ANKS3: variants seen among roughly 807,000 people sequenced by gnomAD.
The protein encoded by ANKS3 is ankyrin repeat and sterile alpha motif domain containing 3.
A neutral mutation model predicts 80.7 loss-of-function variants in ANKS3; 62 were observed. The observed-to-expected ratio is 0.77, with a 90% CI of 0.63 to 0.95. The LOEUF (loss-of-function observed/expected upper bound fraction) is 0.95. Among genes scored for constraint, ANKS3 ranks in the 40% least tolerant of loss-of-function variants. The pLI is 0.00. For synonymous variants in ANKS3, 489 were observed against 355.3 expected (o/e 1.38, Z -4.23); for missense variants, 1,150 against 883.6 (o/e 1.30, Z -3.82).
At chr16:4,697,504 C>T (rs913719629) in intron 15 of ANKS3, 88 bp from the exon 16 acceptor site, 9 of 1,137,782 alleles carry the variant, frequency 7.9e-6, no homozygotes, top group African/African-American at 3.1e-5. Flanking sequence ...ACCAGGAGAA[C>T]CTGCTTGGAT....
rs763671756 is a variant in ANKS3, at chr16:4,705,179, C to G, written c.784G>C (p.Gly262Arg). The change falls in exon 8 of 18, where the codon GGT becomes CGT. Residue 262 changes from glycine to arginine, a missense_variant. By Grantham distance (125) the Gly-to-Arg change is moderately radical (BLOSUM62 -2). Coordinates refer to ENST00000304283, the MANE Select transcript of ANKS3 (RefSeq NM_133450.4). ...CGCGGTCCCTCGTGGATGCTGACAC[C>G]CTTCTTCCGGCAAGGCCTCTGTCTC... ...PQRQRPCRKK[G>R]VSIHEGPRAL... 1.9e-6 allele frequency: 3 copies of G among 1,613,896 alleles called. No homozygotes were observed. The East Asian group carries it at 6.7e-5, about 36-fold the overall frequency.
chr16:4,706,254 G>A lies in ANKS3; in HGVS notation c.710-1001C>T, dbSNP rs550123642. Among the ~76,000 whole-genome samples, 8 of 151,488 alleles carry A rather than the reference G, an allele frequency of 5.3e-5. No individual in the cohort carries two copies. The South Asian group carries it at 6.2e-4, about 12-fold the overall frequency. ...TTTTTTTTCTTTATTTTTTTGAGAC[G>A]GAGTCTTGCTCTGTCACCCAGGCAG... On this transcript the variant is annotated intron_variant, in intron 7 of 17. Transcript: ENST00000304283.
At chr16:4,715,160 G>A (rs1400217634) in intron 6 of ANKS3, among the ~76,000 whole-genome samples, 1 of 152,052 alleles carries the variant, frequency 6.6e-6, no homozygotes, top group Non-Finnish European at 1.5e-5. Flanking sequence ...AAAGGATCAT[G>A]GCCAAGTGAG....
chr16:4,700,860 C>T (rs2079860569), intron 11 of ANKS3, 110 bp downstream of exon 11: 4 of 1,420,886 alleles, frequency 2.8e-6, no homozygotes, highest in Non-Finnish European at 3.9e-6. Flanking sequence ...ATGCCACCGC[C>T]ATTCTGTTCT....
intron 3 of ANKS3, chr16:4,729,268 C>G (rs1460412409): frequency 6.6e-6 from 1 of 152,302 alleles, no homozygotes; most frequent in Non-Finnish European, 1.5e-5. Flanking sequence ...AGCCCAGCCT[C>G]TCTCCTCCTC....
intron 7 of ANKS3, 177 bp downstream of exon 7, chr16:4,713,874 C>T: frequency 2.3e-6 from 2 of 871,160 alleles, no homozygotes; most frequent in East Asian, 5.4e-5. Context: ...CGTAACCATC[C>T]TTATCTCCTG....
At position 4,714,043 on chromosome 16, in the gene ANKS3, G is replaced by A. The variant is rs762584051; in HGVS notation, c.709+8C>T. The A allele has an allele frequency of 5.0e-6, 8 of 1,613,852 alleles. No individual in the cohort carries two copies. The East Asian group carries it at 1.1e-4, about 22-fold the overall frequency. On this transcript the variant is annotated splice_region_variant and intron_variant, in intron 7 of 17. Transcript: ENST00000304283. Reference sequence around the variant, plus strand: ...CCCCAGCAGGGCGCGGCTGGCAGGTGTGGGTACCTGGGCTCCGATAGAGGC... The same window carrying A: ...CCCCAGCAGGGCGCGGCTGGCAGGTATGGGTACCTGGGCTCCGATAGAGGC...
At chr16:4,698,404 C>T (rs373499350) in intron 14 of ANKS3, 23 bp downstream of exon 14, 1 of 1,478,982 alleles carries the variant, frequency 6.8e-7, no homozygotes, top group Non-Finnish European at 8.9e-7. Flanking sequence ...AGACCCAGCC[C>T]AGGGCAGCTC....
At chr16:4,701,865 C>T in intron 9 of ANKS3, 1 of 519,452 alleles carries the variant, frequency 1.9e-6, no homozygotes, top group Non-Finnish European at 3.3e-6. Flanking sequence ...CTCAGGGGCT[C>T]CCAAGCAAGG....
In ANKS3 at chr16:4,698,068, A is replaced by G. The variant is rs1368404662; in HGVS notation, c.1725-6T>C. On this transcript the variant is annotated splice_region_variant and splice_polypyrimidine_tract_variant and intron_variant, in intron 14 of 17. Coordinates refer to ENST00000304283, the MANE Select transcript of ANKS3 (RefSeq NM_133450.4). The stretch of plus-strand genomic sequence containing the variant: ...ACAGCTCAGCTTGACAGGCTCTGCC[A>G]GACACAGAAACAAATATTGGTGAGA... The G allele has an allele frequency of 6.2e-7, 1 of 1,603,596 alleles. No homozygotes were observed.
chr16:4,724,729 C>G, intron 6 of ANKS3, 21 bp downstream of exon 6: 1 of 1,607,464 alleles, frequency 6.2e-7, no homozygotes, highest in Non-Finnish European at 8.5e-7. Context: ...ACATTACATG[C>G]TAATAATCAG....
intron 8 of ANKS3, among the ~76,000 whole-genome samples, chr16:4,703,837 G>A (rs988797714): frequency 1.3e-5 from 2 of 152,032 alleles, no homozygotes; most frequent in African/African-American, 2.4e-5. Flanking sequence ...TTACTTCTCT[G>A]TGGATACATA....
At chr16:4,699,300 G>A (rs528559627) in intron 11 of ANKS3, 124 bp from the exon 12 acceptor site, 151 of 1,345,082 alleles carry the variant, frequency 1.1e-4, no homozygotes, top group Non-Finnish European at 1.4e-4. Context: ...TGTGTGTGGC[G>A]CCCAGGCTGT....
chr16:4,701,423 A>G lies in ANKS3; in HGVS notation c.1119+11T>C. The G allele has an allele frequency of 1.3e-6, 2 of 1,583,830 alleles. No homozygotes were observed. Among genetic ancestry groups the G allele is most frequent in the Non-Finnish European group, 1.7e-6 (2 of 1,162,856 alleles). ...CCGGCTATGGGAGACCAAGAAAGAA[A>G]GAATCCGTACCTCGTTGCTCTCCAC... is the stretch of plus-strand genomic sequence containing the variant. On this transcript the variant is annotated intron_variant, in intron 10 of 17. Transcript: ENST00000304283.
At position 4,734,130 on chromosome 16, in the gene ANKS3, T is replaced by C. The variant is rs539355778; in HGVS notation, c.-263A>G. 1.7e-4 allele frequency: 123 copies of C among 711,414 alleles called. 1 individual carries two copies. In the Middle Eastern group the frequency reaches 4.3e-3, roughly 25 times the overall value. The allele number at this position is 711,414 out of a possible 1,614,324, so 44.1% of individuals were successfully genotyped here. On this transcript the variant is annotated 5_prime_UTR_variant, in exon 1 of 18. Transcript: ENST00000304283. The stretch of plus-strand genomic sequence containing the variant: ...GCGGGCTGCAGGTGCCGGCAAGTGC[T>C]GGGGCCGGGCCGCCGCGGAACCCAC...
chr16:4,730,117 C>T lies in ANKS3; in HGVS notation c.33G>A (p.Pro11=), dbSNP rs149933312. 27 of 1,588,194 alleles carry T rather than the reference C, an allele frequency of 1.7e-5. No individual in the cohort carries two copies. The African/African-American group carries it at 1.9e-4, about 11-fold the overall frequency. MSELSDEASE[P]ELLNRSLSMW... Reference sequence around the variant, plus strand: ...TGGACAAGCTGCGGTTCAGGAGTTCCGGCTCGCTGGCTTCATCGCTGAGCT... The same window carrying T: ...TGGACAAGCTGCGGTTCAGGAGTTCTGGCTCGCTGGCTTCATCGCTGAGCT... The change falls in exon 3 of 18, where the codon CCG becomes CCA. Residue 11 remains proline, a synonymous_variant. Coordinates refer to ENST00000304283, the MANE Select transcript of ANKS3 (RefSeq NM_133450.4).
intron 9 of ANKS3, 39 bp downstream of exon 9, chr16:4,702,063 T>C (rs781738056): frequency 4.5e-6 from 7 of 1,540,302 alleles, no homozygotes; most frequent in African/African-American, 1.4e-5. Flanking sequence ...CTCCAGGACC[T>C]GCCTGAGCCA....
At chr16:4,704,151 C>T (rs1471976007) in intron 8 of ANKS3, among the ~76,000 whole-genome samples, 1 of 152,214 alleles carries the variant, frequency 6.6e-6, no homozygotes, top group African/African-American at 2.4e-5. Flanking sequence ...GCCCAGTCAG[C>T]TCACCCTTCC....
At chr16:4,728,121 C>T (rs1168444319) in intron 3 of ANKS3, 1 of 152,242 alleles carries the variant, frequency 6.6e-6, no homozygotes, top group Admixed American at 6.5e-5. Flanking sequence ...TCTCGGCTCA[C>T]TGCAAGCTCC....
Sources: allele counts gnomAD v4.1 joint callset (sites outside exome capture counted in the v4.1 genomes callset), GRCh38; gene constraint gnomAD v4.1.1; transcripts MANE v1.5; gene names NCBI Gene and HGNC (gene_info 2026-07-23, HGNC 2026-07-21).